Variants in ODAD2 observed in about 807,000 individuals in gnomAD.
ODAD2 encodes the protein outer dynein arm-docking complex subunit 2.
ODAD2 carries 89 observed loss-of-function variants against 106.8 expected under a neutral mutation model. The observed-to-expected ratio is 0.83, with a 90% confidence interval of 0.70 to 0.99. The LOEUF (loss-of-function observed/expected upper bound fraction) is 0.99, where lower values mean the gene tolerates loss of function less well. Ranked by LOEUF, ODAD2 falls within the 50% of genes least tolerant of loss-of-function variation. The pLI is 0.00. For synonymous variants in ODAD2, 404 were observed against 436.2 expected, an observed-to-expected ratio of 0.93 and a Z score of 0.92; for missense variants, 1,168 against 1,238.5, an observed-to-expected ratio of 0.94 and a Z score of 0.85.
chr10:27,994,364 C>T (rs11596956), intron 2 of ODAD2, among the ~76,000 whole-genome samples: 11,234 of 152,078 alleles, frequency 0.074, 587 homozygotes, highest in East Asian at 0.27. Context: ...TCAGAGGTCA[C>T]GAAACCAATG....
intron 16 of ODAD2, among the ~76,000 whole-genome samples, chr10:27,925,109 G>A (rs1029361661): frequency 6.6e-6 from 1 of 151,850 alleles, no homozygotes; most frequent in Non-Finnish European, 1.5e-5. Context: ...TATCACTCAT[G>A]AATATTATTA....
intron 10 of ODAD2, among the ~76,000 whole-genome samples, chr10:27,955,071 T>C (rs575118066): frequency 6.6e-6 from 1 of 152,332 alleles, no homozygotes; most frequent in South Asian, 2.1e-4. Flanking sequence ...CACATCAATG[T>C]AGCAACACAT....
intron 7 of ODAD2, among the ~76,000 whole-genome samples, chr10:27,974,607 T>C (rs1198103342): frequency 3.3e-5 from 5 of 152,094 alleles, no homozygotes; most frequent in East Asian, 1.9e-4. Context: ...TATATGCCAG[T>C]ACCATGTTGT....
At chr10:27,945,071 G>C in intron 10 of ODAD2, 109 bp from the exon 11 acceptor site, 1 of 1,305,634 alleles carries the variant, frequency 7.7e-7, no homozygotes, top group South Asian at 1.4e-5. Context: ...GAGTGGGCTA[G>C]AATTTGTTAA....
At chr10:27,920,112 C>A (rs141666010) in intron 16 of ODAD2, among the ~76,000 whole-genome samples, 4 of 151,878 alleles carry the variant, frequency 2.6e-5, no homozygotes, top group East Asian at 1.9e-4. Flanking sequence ...AAGAGATATC[C>A]CCAGAGTAGA....
intron 9 of ODAD2, among the ~76,000 whole-genome samples, chr10:27,964,168 G>A (rs1848340296): frequency 6.6e-6 from 1 of 152,178 alleles, no homozygotes; most frequent in African/African-American, 2.4e-5. Context: ...GTTGCAATGA[G>A]GCAAGATCGT....
intron 17 of ODAD2, among the ~76,000 whole-genome samples, chr10:27,904,822 TA>T (rs1367334979): frequency 6.6e-6 from 1 of 152,228 alleles, no homozygotes; most frequent in Non-Finnish European, 1.5e-5. Context: ...ATTCAATTTA[TA>T]AATCAACTTG....
rs553123873 is a variant in ODAD2 at position 27,985,137 on chromosome 10, T to C, written c.457A>G (p.Ile153Val). ...TCATCTCTGGTAATTTTGCCAAGAA[T>C]ATTTAATGCAATTGAGTTTTCTTTC... Reference protein sequence around the residue: ...TMKENSIALNILGKITRDDDP... With the variant: ...TMKENSIALNVLGKITRDDDP... The change falls in exon 4 of 20, where the codon ATT (isoleucine) becomes GTT (valine). Residue 153 changes from isoleucine (I) to valine (V), a missense_variant. Around this residue, in one of 3 missense-constraint regions of ODAD2, gnomAD observed 430 missense variants for 452.2 expected, o/e 0.95. Transcript: ENST00000305242. 7.5e-6 allele frequency: 12 copies of C among 1,597,908 alleles called. No homozygotes were observed. The highest frequency in any genetic ancestry group is 1.0e-5 in the Non-Finnish European group (12 of 1,171,324).
chr10:27,888,329 TTTTG>T (rs1305188067), intron 17 of ODAD2, among the ~76,000 whole-genome samples: 3 of 152,128 alleles, frequency 2.0e-5, no homozygotes, highest in African/African-American at 7.2e-5. Flanking sequence ...CATACATTGT[TTTTG>T]TTTGTTTTAC....
At chr10:27,886,255 G>A (rs965730132) in intron 17 of ODAD2, among the ~76,000 whole-genome samples, 2 of 151,440 alleles carry the variant, frequency 1.3e-5, no homozygotes, top group Admixed American at 6.6e-5. Context: ...GACAAAGACA[G>A]GTTCTTGAAA....
At chr10:27,945,179 T>C (rs573738336) in intron 10 of ODAD2, among the ~76,000 whole-genome samples, 98 of 152,328 alleles carry the variant, frequency 6.4e-4, no homozygotes, top group African/African-American at 2.3e-3. Flanking sequence ...CTGTCTCCTT[T>C]AAACAGCTTT....
chr10:27,977,429 C>T (rs1397509480), intron 7 of ODAD2, among the ~76,000 whole-genome samples: 16 of 150,598 alleles, frequency 1.1e-4, no homozygotes, highest in African/African-American at 2.7e-4. Context: ...TAGCCAGGCG[C>T]GGTGGCGGGC....
At chr10:27,946,211 A>T (rs1846911006) in intron 10 of ODAD2, among the ~76,000 whole-genome samples, 1 of 148,404 alleles carries the variant, frequency 6.7e-6, no homozygotes, top group African/African-American at 2.4e-5. Flanking sequence ...TAATATATAA[A>T]TATAAAAAAT....
chr10:27,850,069 T>A (rs979184448), intron 19 of ODAD2, among the ~76,000 whole-genome samples: 6 of 152,220 alleles, frequency 3.9e-5, no homozygotes, highest in African/African-American at 1.4e-4. Context: ...ATTTATGATG[T>A]CACATCATAT....
chr10:27,974,745 A>G (rs1011841025), intron 7 of ODAD2, among the ~76,000 whole-genome samples: 9 of 150,014 alleles, frequency 6.0e-5, no homozygotes, highest in African/African-American at 2.2e-4. Flanking sequence ...TTCCATATGA[A>G]TTTTAAAATA....
rs562466631 is a variant in ODAD2, at chr10:27,911,389, T to C, written c.2496-3612A>G. ...TGACTACTGATTTGGGGGTTATAAA[T>C]AAAGTTTAGAGACTGTATGAATTCA... On this transcript the variant is annotated intron_variant, in intron 16 of 19. Coordinates refer to ENST00000305242, the MANE Select transcript of ODAD2 (RefSeq NM_018076.5). Among the ~76,000 whole-genome samples, 3 of 152,300 alleles carry C rather than the reference T, an allele frequency of 2.0e-5. No homozygotes were observed. In the East Asian group the frequency reaches 5.8e-4, roughly 29 times the overall value.
At chr10:27,851,775 T>A (rs533806656) in intron 19 of ODAD2, among the ~76,000 whole-genome samples, 1 of 152,316 alleles carries the variant, frequency 6.6e-6, no homozygotes, top group Non-Finnish European at 1.5e-5. Context: ...AAATAATGGC[T>A]GAAAAATTTC....
intron 19 of ODAD2, among the ~76,000 whole-genome samples, chr10:27,851,757 A>G (rs1465601086): frequency 6.6e-6 from 1 of 152,170 alleles, no homozygotes; most frequent in African/African-American, 2.4e-5. Context: ...ATGTAAACAT[A>G]TTTGAAGAAA....
intron 11 of ODAD2, among the ~76,000 whole-genome samples, 173 bp downstream of exon 11, chr10:27,944,643 G>C (rs544167624): frequency 6.6e-6 from 1 of 152,072 alleles, no homozygotes; most frequent in Non-Finnish European, 1.5e-5. Context: ...AGCAAAAAAA[G>C]AAGAAAAGTA....
Sources: allele counts gnomAD v4.1 joint callset (sites outside exome capture counted in the v4.1 genomes callset), GRCh38; gene constraint gnomAD v4.1.1; regional missense constraint gnomAD v4.1.1; transcripts MANE v1.5; gene names NCBI Gene and HGNC (gene_info 2026-07-23, HGNC 2026-07-21).